Variants in CCDC112 observed in about 807,000 individuals in gnomAD.
CCDC112 encodes the protein coiled-coil domain containing 112, also known as coiled-coil domain-containing protein 112.
A neutral mutation model predicts 66.3 loss-of-function variants in CCDC112; 40 were observed. The ratio of observed to expected loss-of-function variants is 0.60; its 90% confidence interval spans 0.47 to 0.79. The LOEUF is 0.79. CCDC112 is among the 30% of genes least tolerant of loss of function. The pLI is 0.00. For synonymous variants in CCDC112, 214 were observed against 197.2 expected, an observed-to-expected ratio of 1.09 and a Z score of -0.71; for missense variants, 659 against 603.8, an observed-to-expected ratio of 1.09 and a Z score of -0.96.
Position 115,275,586 on chromosome 5 carries a change from T to A in CCDC112, c.548A>T (p.Glu183Val). 1 of 1,584,856 alleles carries A rather than the reference T, an allele frequency of 6.3e-7. No homozygotes were observed. The highest frequency in any genetic ancestry group is 8.6e-7 in the Non-Finnish European group (1 of 1,162,350). ...QRLIYEELIK[E>V]EKTTNNELSA... ...CAACTCATTATTAGTTGTCTTCTCT[T>A]CTTTAATTAGCTCTTCATATCTAAA... The change falls in exon 6 of 10, where the codon GAA becomes GTA. Residue 183 changes from glutamate (E) to valine (V), a missense_variant. Transcript: ENST00000379611.
chr5:115,272,174 T>G (rs1749032692), intron 6 of CCDC112, among the ~76,000 whole-genome samples: 2 of 152,060 alleles, frequency 1.3e-5, no homozygotes, highest in Non-Finnish European at 2.9e-5. Flanking sequence ...CCACCCACCT[T>G]GGCCTCCCAA....
chr5:115,274,791 A>C (rs1290689305), intron 6 of CCDC112, among the ~76,000 whole-genome samples: 1 of 152,184 alleles, frequency 6.6e-6, no homozygotes, highest in Non-Finnish European at 1.5e-5. Flanking sequence ...CTCAGGCTAG[A>C]GTGCAGTGGT....
At chr5:115,292,820 G>A (rs1749991576) in intron 1 of CCDC112, among the ~76,000 whole-genome samples, 1 of 152,180 alleles carries the variant, frequency 6.6e-6, no homozygotes, top group South Asian at 2.1e-4. Flanking sequence ...TGGGAAAGGG[G>A]GTCTGTATGC....
In CCDC112 at chr5:115,269,690, C is replaced by G; in HGVS notation, c.1428+13G>C. ...AGGATAATAACAATGAAAATAATCT[C>G]GGTGCAGAGTACCTTTTCTTTTAAT... On this transcript the variant is annotated intron_variant, in intron 8 of 9. Transcript: ENST00000379611. 6.5e-7 allele frequency: 1 copy of G among 1,540,114 alleles called. No homozygotes were observed. Among genetic ancestry groups the G allele is most frequent in the African/African-American group, 1.4e-5 (1 of 73,008 alleles).
chr5:115,282,781 T>C (rs189722404), intron 2 of CCDC112, among the ~76,000 whole-genome samples: 88 of 152,242 alleles, frequency 5.8e-4, no homozygotes, highest in African/African-American at 2.0e-3. Context: ...CTGGGTACCC[T>C]TTGATTTGTT....
chr5:115,289,747 G>T (rs776070309), intron 1 of CCDC112, among the ~76,000 whole-genome samples: 1 of 151,974 alleles, frequency 6.6e-6, no homozygotes, highest in African/African-American at 2.4e-5. Context: ...GCTTAATCCC[G>T]GCTCACTGCA....
Position 115,275,542 on chromosome 5 carries a change from T to C in CCDC112, c.592A>G (p.Ile198Val). 6.2e-7 allele frequency: 1 copy of C among 1,613,644 alleles called. No homozygotes were observed. The highest frequency in any genetic ancestry group is 1.7e-4 in the Middle Eastern group (1 of 6,060). ...GAATTACCCAAAGCCCATGTGTCAA[T>C]TTTTCTTGATATGGCACTCAACTCA... ...NNELSAISRK[I>V]DTWALGNSET... The change falls in exon 6 of 10, where the codon ATT becomes GTT. Residue 198 changes from isoleucine to valine, a missense_variant. Ile to Val is a conservative substitution (Grantham distance 29). Coordinates refer to ENST00000379611, the MANE Select transcript of CCDC112 (RefSeq NM_001040440.3).
Position 115,271,520 on chromosome 5 carries a change from T to A in CCDC112, c.1025A>T (p.Asp342Val), listed in dbSNP as rs77125878. The A allele has an allele frequency of 4.7e-3, 7,582 of 1,611,958 alleles. 537 individuals are homozygous for A. In the East Asian group the frequency reaches 0.15, roughly 31 times the overall value. Residue 342 changes from aspartate (D) to valine (V), a missense_variant, in exon 7 of 10, where the codon GAT becomes GTT. Coordinates refer to ENST00000379611, the MANE Select transcript of CCDC112 (RefSeq NM_001040440.3). ...TTGTTCCTCTTTTTGCTTTTGATTA[T>A]CCTCTTGTTTATTATGAAAAAGCAC... ...TPVLFHNKQE[D>V]NQKQKEEQRK...
intron 6 of CCDC112, among the ~76,000 whole-genome samples, chr5:115,272,867 G>A (rs1323022928): frequency 3.3e-5 from 5 of 151,996 alleles, no homozygotes; most frequent in Admixed American, 6.6e-5. Flanking sequence ...CAAAATACCA[G>A]TCTGCAAAAA....
At chr5:115,284,688 C>T in intron 2 of CCDC112, 99 bp downstream of exon 2, 2 of 900,066 alleles carry the variant, frequency 2.2e-6, no homozygotes, top group Admixed American at 4.9e-5. Context: ...AATTTTATAA[C>T]TTAATGTGAG....
At chr5:115,274,617 G>T (rs1463033213) in intron 6 of CCDC112, among the ~76,000 whole-genome samples, 1 of 152,102 alleles carries the variant, frequency 6.6e-6, no homozygotes, top group African/African-American at 2.4e-5. Context: ...TCTGAGAAGT[G>T]GATACGGAGG....
rs34457718 is a variant in CCDC112, at chr5:115,279,664, T to C, written c.344A>G (p.His115Arg). 1 of 1,611,782 alleles carries C rather than the reference T, an allele frequency of 6.2e-7. No individual in the cohort carries two copies. The highest frequency in any genetic ancestry group is 8.5e-7 in the Non-Finnish European group (1 of 1,179,316). Residue 115 changes from histidine (H) to arginine (R), a missense_variant, in exon 3 of 10, where the codon CAC becomes CGC. Transcript: ENST00000379611. Reference sequence around the variant, plus strand: ...CAACTTACTTTCTGTTTTCCTGCTGTGAATCAATTTATTTTCCAATTCTTC... The same window carrying C: ...CAACTTACTTTCTGTTTTCCTGCTGCGAATCAATTTATTTTCCAATTCTTC... ...MLEELENKLI[H>R]SRKTERAKIQ...
rs534751338 is a variant in CCDC112, at chr5:115,271,749, A to T, written c.919-123T>A. On this transcript the variant is annotated intron_variant, in intron 6 of 9. Transcript: ENST00000379611. ...ATTGATTGCAGAATGCTGGATGCTT[A>T]GGTTTTTCAGCTTTGTTTTAACCAT... 6.1e-6 allele frequency: 4 copies of T among 650,682 alleles called. No individual in the cohort carries two copies. The East Asian group carries it at 1.3e-4, about 21-fold the overall frequency. The allele number at this position is 650,682 out of a possible 1,614,324, so 40.3% of individuals were successfully genotyped here. A position where few individuals can be genotyped will look rare whatever the true frequency, so the allele number is the denominator to read the frequency against.
At chr5:115,295,153 G>C (rs1750095449) in intron 1 of CCDC112, among the ~76,000 whole-genome samples, 2 of 152,036 alleles carry the variant, frequency 1.3e-5, no homozygotes, top group Non-Finnish European at 2.9e-5. Flanking sequence ...ATCCTCTAGG[G>C]GATTGATAAA....
intron 2 of CCDC112, among the ~76,000 whole-genome samples, chr5:115,282,820 C>T (rs1297382075): frequency 1.3e-5 from 2 of 151,822 alleles, no homozygotes; most frequent in African/African-American, 4.8e-5. Context: ...AAATATATTA[C>T]CTATTTTAAA....
At chr5:115,292,248 T>C (rs891253239) in intron 1 of CCDC112, among the ~76,000 whole-genome samples, 15 of 152,206 alleles carry the variant, frequency 9.9e-5, no homozygotes, top group African/African-American at 2.7e-4. Context: ...TTCAGGTTTG[T>C]TGATACTTTC....
At chr5:115,278,198 C>G (rs1427994033) in intron 3 of CCDC112, among the ~76,000 whole-genome samples, 1 of 151,994 alleles carries the variant, frequency 6.6e-6, no homozygotes, top group Non-Finnish European at 1.5e-5. Flanking sequence ...TTCATTTTAG[C>G]CTTAGTTTGA....
rs1334730920 is a variant in CCDC112 at position 115,269,723 on chromosome 5, GTCT to G, written c.1405_1407del (p.Arg469del). On this transcript the variant is annotated inframe_deletion, in exon 8 of 10. Transcript: ENST00000379611. ...AGTACCTTTTCTTTTAATTTTGCCA[GTCT>G]TCTTTGTTTTTGTGACTTTTCATCT... 8.1e-6 allele frequency: 13 copies of G among 1,599,336 alleles called. No individual in the cohort carries two copies. The highest frequency in any genetic ancestry group is 1.1e-5 in the Non-Finnish European group (13 of 1,173,480).
chr5:115,271,664 A>G, intron 6 of CCDC112, 38 bp from the exon 7 acceptor site: 1 of 1,374,254 alleles, frequency 7.3e-7, no homozygotes, highest in Non-Finnish European at 9.7e-7. Flanking sequence ...CAAGAGAAAA[A>G]AGTTTTTTAA....
Sources: allele counts gnomAD v4.1 joint callset (sites outside exome capture counted in the v4.1 genomes callset), GRCh38; gene constraint gnomAD v4.1.1; transcripts MANE v1.5; gene names NCBI Gene and HGNC (gene_info 2026-07-23, HGNC 2026-07-21).